The following TIAM2 variants were observed in gnomAD, a reference collection of about 807,000 sequenced individuals.
TIAM2 encodes TIAM Rac1 associated GEF 2.
Under a neutral mutation model 152.9 loss-of-function variants are expected in TIAM2, and 80 were observed. The ratio of observed to expected loss-of-function variants is 0.52; its 90% CI spans 0.44 to 0.63. TIAM2 has a LOEUF of 0.63. Among genes scored for constraint, TIAM2 ranks in the 30% least tolerant of loss-of-function variants. The pLI is 0.00. For synonymous variants in TIAM2, 804 were observed against 838.0 expected, an observed-to-expected ratio of 0.96 and a Z score of 0.70; for missense variants, 1,965 against 2,120.1, an observed-to-expected ratio of 0.93 and a Z score of 1.44.
At chr6:155,022,800 C>T (rs1776524216) in intron 1 of TIAM2, among the ~76,000 whole-genome samples, 1 of 152,154 alleles carries the variant, frequency 6.6e-6, no homozygotes, top group Admixed American at 6.6e-5. Flanking sequence ...ACTGAAGTTA[C>T]GATATGGTTG....
intron 14 of TIAM2, among the ~76,000 whole-genome samples, chr6:155,196,375 G>A (rs992258289): frequency 9.2e-5 from 14 of 152,118 alleles, no homozygotes; most frequent in Non-Finnish European, 1.5e-4. Flanking sequence ...TTCCAAAACC[G>A]TTTTGAAATG....
rs1276504222 is a variant in TIAM2, at chr6:155,257,621, A to ATCT, written c.*500_*501insTCT. 15 of 554,862 alleles carry ATCT rather than the reference A, an allele frequency of 2.7e-5. No individual in the cohort carries two copies. The highest frequency in any genetic ancestry group is 1.3e-4 in the African/African-American group (7 of 53,134). 34.4% of individuals were successfully genotyped at this position (554,862 alleles called of 1,614,324 possible). ...ATGCTGTTTATACTAAACATGTCAT[A>ATCT]ACTATCTATACAGTATATATTAAAA... On this transcript the variant is annotated 3_prime_UTR_variant, in exon 27 of 27. Transcript: ENST00000682666.
intron 14 of TIAM2, among the ~76,000 whole-genome samples, chr6:155,200,665 G>C (rs985785401): frequency 6.6e-6 from 1 of 152,146 alleles, no homozygotes; most frequent in African/African-American, 2.4e-5. Context: ...AGCACTTTGG[G>C]AGGCTGAGGT....
intron 15 of TIAM2, among the ~76,000 whole-genome samples, chr6:155,211,792 T>C (rs978162660): frequency 1.1e-4 from 17 of 152,338 alleles, no homozygotes; most frequent in Non-Finnish European, 1.6e-4. Flanking sequence ...TATATTCACA[T>C]TGGTTTGCAA....
At chr6:155,116,582 A>G (rs1388830862) in intron 2 of TIAM2, among the ~76,000 whole-genome samples, 2 of 152,206 alleles carry the variant, frequency 1.3e-5, no homozygotes, top group African/African-American at 2.4e-5. Flanking sequence ...TGACCGTGGT[A>G]GATTTTGGTT....
At chr6:155,185,123 C>CTTTTTTTTTTTTTTTTTTTTTTT (rs11404301) in intron 14 of TIAM2, among the ~76,000 whole-genome samples, 1 of 92,416 alleles carries the variant, frequency 1.1e-5, no homozygotes, top group Non-Finnish European at 2.0e-5. Context: ...GCAAATTTAC[C>CTTTTTTTTTTTTTTTTTTTTTTT]TTTTTTTTTT....
chr6:155,059,201 C>T (rs531771331), intron 1 of TIAM2, among the ~76,000 whole-genome samples: 3 of 151,912 alleles, frequency 2.0e-5, no homozygotes, highest in African/African-American at 7.2e-5. Flanking sequence ...CTCCTGTGAC[C>T]ATTTCTTGTT....
At chr6:155,194,210 C>G (rs2115172300) in intron 14 of TIAM2, among the ~76,000 whole-genome samples, 1 of 152,242 alleles carries the variant, frequency 6.6e-6, no homozygotes, top group South Asian at 2.1e-4. Context: ...GGCTGTCTAG[C>G]TGTGGGGAGG....
chr6:155,130,044 AC>A lies in TIAM2; in HGVS notation c.825del (p.Ser276ValfsTer54). 2.5e-6 allele frequency: 4 copies of A among 1,613,882 alleles called. No individual in the cohort carries two copies. Among genetic ancestry groups the A allele is most frequent in the Non-Finnish European group, 3.4e-6 (4 of 1,179,996 alleles). On this transcript the variant is annotated frameshift_variant, in exon 4 of 27. Coordinates refer to ENST00000682666, the MANE Select transcript of TIAM2 (RefSeq NM_012454.4). LOFTEE classifies it high-confidence loss of function. Reference protein sequence around the residue: ...EGSFLAPGMPDPSLHASFPPG... With the variant: ...EGSFLAPGMPXPSLHASFPPG... ...TCCTTCCTGGCCCCCGGCATGCCTG[AC>A]CCCAGTCTCCATGCCAGCTTCCCAC... is the stretch of plus-strand genomic sequence containing the variant.
intron 14 of TIAM2, among the ~76,000 whole-genome samples, chr6:155,200,854 G>A (rs1781458300): frequency 6.6e-6 from 1 of 152,108 alleles, no homozygotes; most frequent in Admixed American, 6.6e-5. Context: ...ATTGAGCCAA[G>A]ATCGTGCCAC....
intron 15 of TIAM2, among the ~76,000 whole-genome samples, chr6:155,232,039 C>T (rs889693838): frequency 7.9e-5 from 12 of 152,272 alleles, no homozygotes; most frequent in African/African-American, 2.9e-4. Flanking sequence ...CGAGATCGTG[C>T]CACTGCACTC....
intron 1 of TIAM2, among the ~76,000 whole-genome samples, chr6:155,036,172 A>G (rs1776917959): frequency 6.6e-6 from 1 of 152,180 alleles, no homozygotes; most frequent in Non-Finnish European, 1.5e-5. Flanking sequence ...GCATGAATAA[A>G]GGAAGGGAGG....
At chr6:155,207,383 C>T (rs966066691) in intron 14 of TIAM2, among the ~76,000 whole-genome samples, 2 of 152,190 alleles carry the variant, frequency 1.3e-5, no homozygotes, top group African/African-American at 4.8e-5. Flanking sequence ...TGGACACTGT[C>T]CAGCTCGGAT....
At chr6:155,248,730 C>G (rs1246248609) in intron 20 of TIAM2, among the ~76,000 whole-genome samples, 1 of 152,150 alleles carries the variant, frequency 6.6e-6, no homozygotes, top group Non-Finnish European at 1.5e-5. Context: ...CACAATTTAT[C>G]AAAAACACAA....
chr6:155,114,575 A>G (rs764007188), intron 2 of TIAM2, among the ~76,000 whole-genome samples: 82 of 152,326 alleles, frequency 5.4e-4, no homozygotes, highest in Non-Finnish European at 9.0e-4. Context: ...TAAAGTATCA[A>G]GAAAACAAAA....
chr6:155,051,037 AGGGATT>A (rs1232293080), intron 1 of TIAM2, among the ~76,000 whole-genome samples: 1 of 152,178 alleles, frequency 6.6e-6, no homozygotes, highest in Non-Finnish European at 1.5e-5. Flanking sequence ...CACAGAGCAA[AGGGATT>A]GGAAAGAAGG....
chr6:155,219,857 C>T (rs570441204), intron 15 of TIAM2, among the ~76,000 whole-genome samples: 6 of 151,410 alleles, frequency 4.0e-5, no homozygotes, highest in Admixed American at 2.0e-4. Flanking sequence ...ATGTCACTTA[C>T]GTGTCAACAG....
chr6:155,161,393 T>C (rs1780265594), intron 7 of TIAM2, among the ~76,000 whole-genome samples: 1 of 152,182 alleles, frequency 6.6e-6, no homozygotes, highest in Non-Finnish European at 1.5e-5. Flanking sequence ...TTGCCCAGGC[T>C]GGTCTCAAAC....
chr6:155,032,487 G>A (rs933939281), intron 1 of TIAM2, among the ~76,000 whole-genome samples: 1 of 152,090 alleles, frequency 6.6e-6, no homozygotes, highest in African/African-American at 2.4e-5. Flanking sequence ...GAATGAGCAG[G>A]GTTTGTGTTC....
Sources: gnomAD v4.1 joint callset for allele counts (sites outside exome capture counted in the v4.1 genomes callset) on GRCh38, gnomAD v4.1.1 for gene constraint, MANE v1.5 for transcripts, NCBI Gene and HGNC (gene_info 2026-07-23, HGNC 2026-07-21) for gene names.